The following OPCML variants were observed in gnomAD, a reference collection of about 807,000 sequenced individuals.
OPCML encodes the protein opioid-binding protein/cell adhesion molecule.
In OPCML, 13 loss-of-function variants were observed where a neutral mutation model predicts 37.8. The observed-to-expected ratio is 0.34, with a 90% CI of 0.22 to 0.55. The LOEUF (loss-of-function observed/expected upper bound fraction) is 0.55, where lower values mean the gene tolerates loss of function less well. Among genes scored for constraint, OPCML ranks in the 20% least tolerant of loss-of-function variants. The pLI, the probability that OPCML is intolerant of heterozygous loss-of-function variation, is 0.91. For missense variants in OPCML, 341 were observed against 435.6 expected, an observed-to-expected ratio of 0.78 and a Z score of 1.93; for synonymous variants, 176 against 168.8, an observed-to-expected ratio of 1.04 and a Z score of -0.33.
intron 3 of OPCML, among the ~76,000 whole-genome samples, chr11:132,650,069 T>TAGGCTAAGCCTCTGTCTA (rs1941347462): frequency 6.6e-6 from 1 of 152,162 alleles, no homozygotes; most frequent in Admixed American, 6.5e-5. Flanking sequence ...ATTAAATATG[T>TAGGCTAAGCCTCTGTCTA]GTCCGCTTGA....
At chr11:132,430,104 A>G (rs1281736291) in intron 7 of OPCML, among the ~76,000 whole-genome samples, 1 of 152,172 alleles carries the variant, frequency 6.6e-6, no homozygotes, top group African/African-American at 2.4e-5. Context: ...AGGCAGATAC[A>G]ATGCGAATTC....
At chr11:132,867,341 A>G (rs1185862683) in intron 2 of OPCML, among the ~76,000 whole-genome samples, 1 of 152,226 alleles carries the variant, frequency 6.6e-6, no homozygotes, top group African/African-American at 2.4e-5. Context: ...ACTAAAATGC[A>G]ATAGCCCAAA....
chr11:133,495,119 T>C lies in OPCML; in HGVS notation c.61+37145A>G, dbSNP rs555931415. Among the ~76,000 whole-genome samples, 5 of 152,308 alleles carry C rather than the reference T, an allele frequency of 3.3e-5. No homozygotes were observed. In the East Asian group the frequency reaches 9.7e-4, roughly 29 times the overall value. ...TCATTCTTATGCCTTTGCATCCTCA[T>C]AGCTTAGCTCCTTTATATCTGTGAG... is the stretch of plus-strand genomic sequence containing the variant. On this transcript the variant is annotated intron_variant, in intron 1 of 7. Coordinates refer to ENST00000524381, the MANE Select transcript of OPCML (RefSeq NM_001012393.5).
intron 1 of OPCML, among the ~76,000 whole-genome samples, chr11:133,393,772 C>A (rs925784081): frequency 1.3e-5 from 2 of 152,172 alleles, no homozygotes; most frequent in African/African-American, 4.8e-5. Flanking sequence ...TGGCTAATCC[C>A]AAGAACAACC....
chr11:133,437,739 C>T (rs968953891), intron 1 of OPCML, among the ~76,000 whole-genome samples: 6 of 127,654 alleles, frequency 4.7e-5, no homozygotes, highest in Non-Finnish European at 1.0e-4. Context: ...TCTCCCCTCT[C>T]ATTTTAAAAA....
chr11:132,590,591 G>A (rs529906897), intron 3 of OPCML, among the ~76,000 whole-genome samples: 14 of 152,234 alleles, frequency 9.2e-5, no homozygotes, highest in African/African-American at 2.2e-4. Flanking sequence ...TAAAATTCAC[G>A]TTTTACAGAT....
intron 2 of OPCML, among the ~76,000 whole-genome samples, chr11:132,717,940 C>A (rs1312542968): frequency 6.6e-6 from 1 of 152,220 alleles, no homozygotes; most frequent in Non-Finnish European, 1.5e-5. Flanking sequence ...GTAGATGGCC[C>A]TGCAACCATC....
At chr11:132,458,415 G>A (rs2096089754) in intron 4 of OPCML, among the ~76,000 whole-genome samples, 2 of 152,202 alleles carry the variant, frequency 1.3e-5, no homozygotes, top group African/African-American at 4.8e-5. Context: ...GCAAGATAAA[G>A]ACCGGTGATT....
chr11:133,398,809 A>G (rs1945340384), intron 1 of OPCML, among the ~76,000 whole-genome samples: 1 of 151,934 alleles, frequency 6.6e-6, no homozygotes, highest in Non-Finnish European at 1.5e-5. Flanking sequence ...ACACCAACCA[A>G]TGCTTTTTCA....
At chr11:132,897,844 C>T (rs1012568763) in intron 2 of OPCML, among the ~76,000 whole-genome samples, 18 of 152,270 alleles carry the variant, frequency 1.2e-4, no homozygotes, top group African/African-American at 4.3e-4. Context: ...GTGGCAAAAA[C>T]ATTGAGAGAA....
chr11:132,845,136 T>C (rs1027953022), intron 2 of OPCML, among the ~76,000 whole-genome samples: 8 of 152,136 alleles, frequency 5.3e-5, no homozygotes, highest in African/African-American at 1.9e-4. Flanking sequence ...CAGATCACTG[T>C]AATTTGACTC....
At chr11:132,588,880 C>T (rs373548301) in intron 3 of OPCML, among the ~76,000 whole-genome samples, 13 of 152,282 alleles carry the variant, frequency 8.5e-5, no homozygotes, top group South Asian at 2.1e-4. Flanking sequence ...AATAAACTCT[C>T]GGCAAGCAAC....
chr11:133,203,759 T>C lies in OPCML; in HGVS notation c.62-260749A>G, dbSNP rs192715488. On this transcript the variant is annotated intron_variant, in intron 1 of 7. Coordinates refer to ENST00000524381, the MANE Select transcript of OPCML (RefSeq NM_001012393.5). ...AATTTCTATTCATTGCAGAATAATT[T>C]AAACAGATGCAAAGGACGGCCGGGT... is the stretch of plus-strand genomic sequence containing the variant. Among the ~76,000 whole-genome samples, 333 of 152,286 alleles carry C rather than the reference T, an allele frequency of 2.2e-3. 3 individuals carry two copies. Among genetic ancestry groups the C allele is most frequent in the African/African-American group, 7.7e-3 (321 of 41,574 alleles).
chr11:133,464,721 AGAG>A (rs1172535394), intron 1 of OPCML, among the ~76,000 whole-genome samples: 1 of 152,208 alleles, frequency 6.6e-6, no homozygotes, highest in South Asian at 2.1e-4. Flanking sequence ...CCAGGAACAC[AGAG>A]GAGGGGGAGA....
intron 1 of OPCML, among the ~76,000 whole-genome samples, chr11:133,104,434 A>G (rs1358316274): frequency 6.6e-6 from 1 of 152,226 alleles, no homozygotes; most frequent in Non-Finnish European, 1.5e-5. Context: ...GGACCTGGAA[A>G]AAAAGAAGAA....
At chr11:133,416,569 C>T (rs753039121) in intron 1 of OPCML, among the ~76,000 whole-genome samples, 23 of 152,154 alleles carry the variant, frequency 1.5e-4, no homozygotes, top group Admixed American at 5.2e-4. Context: ...GGTGACTGTC[C>T]TTGTTCATCT....
chr11:133,499,801 T>C (rs1054972803), intron 1 of OPCML, among the ~76,000 whole-genome samples: 2 of 142,432 alleles, frequency 1.4e-5, no homozygotes, highest in Non-Finnish European at 3.0e-5. Context: ...CATATATATA[T>C]GTGTGTGTAT....
intron 1 of OPCML, among the ~76,000 whole-genome samples, chr11:133,364,089 C>T (rs1944483609): frequency 6.6e-6 from 1 of 152,188 alleles, no homozygotes; most frequent in East Asian, 1.9e-4. Context: ...CTCCAACGTC[C>T]CCTTTTCTAA....
chr11:132,650,956 A>G (rs1387368274), intron 3 of OPCML, among the ~76,000 whole-genome samples: 3 of 152,140 alleles, frequency 2.0e-5, no homozygotes, highest in Admixed American at 2.0e-4. Context: ...AAGAGGAGAA[A>G]ATAGCCTAAA....
Sources: allele counts gnomAD v4.1 joint callset (sites outside exome capture counted in the v4.1 genomes callset), GRCh38; gene constraint gnomAD v4.1.1; transcripts MANE v1.5; gene names NCBI Gene and HGNC (gene_info 2026-07-23, HGNC 2026-07-21).